Variants in PLCH1 observed in about 807,000 individuals in gnomAD.
The protein encoded by PLCH1 is phospholipase C eta 1.
Under a neutral mutation model 126.7 loss-of-function variants are expected in PLCH1, and 60 were observed. The observed-to-expected ratio is 0.47, with a 90% CI of 0.38 to 0.59. PLCH1 has a LOEUF of 0.59. Ranked by LOEUF, PLCH1 falls within the 20% of genes least tolerant of loss-of-function variation. The pLI is 0.00. For synonymous variants in PLCH1, 719 were observed against 734.9 expected, an observed-to-expected ratio of 0.98 and a Z score of 0.35; for missense variants, 1,723 against 2,040.0, an observed-to-expected ratio of 0.84 and a Z score of 2.99.
chr3:155,587,560 T>C (rs1731547493), intron 4 of PLCH1, among the ~76,000 whole-genome samples: 1 of 152,234 alleles, frequency 6.6e-6, no homozygotes, highest in South Asian at 2.1e-4. Flanking sequence ...TCTCACTTAA[T>C]TGGCCCAAAT....
chr3:155,481,067 G>A lies in PLCH1; in HGVS notation c.4959C>T (p.His1653=). Residue 1653 remains histidine (H), a synonymous_variant, in exon 23 of 23, where the codon CAC becomes CAT. Coordinates refer to ENST00000460012, the MANE Select transcript of PLCH1 (RefSeq NM_014996.4). The surrounding 1 kb of genome is among the most constrained non-coding windows in gnomAD (Gnocchi z 4.2). The part of the protein sequence containing the change: ...GIPEGACTAL[H]YGHVDQFCSD... ...AACAAAACTGGTCAACGTGGCCATA[G>A]TGAAGAGCCGTGCATGCCCCCTCTG... The A allele has an allele frequency of 6.2e-7, 1 of 1,614,116 alleles. No individual in the cohort carries two copies. Among genetic ancestry groups the A allele is most frequent in the Non-Finnish European group, 8.5e-7 (1 of 1,179,912 alleles).
At chr3:155,599,923 A>C (rs1396569387) in intron 2 of PLCH1, among the ~76,000 whole-genome samples, 1 of 152,202 alleles carries the variant, frequency 6.6e-6, no homozygotes, top group Non-Finnish European at 1.5e-5. Context: ...ATATCTGCAC[A>C]TTGTTTTAGC....
chr3:155,478,302 A>T (rs1274306702), downstream of PLCH1, among the ~76,000 whole-genome samples: 1 of 152,196 alleles, frequency 6.6e-6, no homozygotes, highest in Non-Finnish European at 1.5e-5. Flanking sequence ...TACAAAAAAA[A>T]TAGAAAGAAT....
intron 21 of PLCH1, among the ~76,000 whole-genome samples, chr3:155,466,803 T>C (rs1323887255): frequency 6.6e-6 from 1 of 152,192 alleles, no homozygotes; most frequent in South Asian, 2.1e-4. Flanking sequence ...ATTGAAATAA[T>C]TTAGAAAAAT....
At chr3:155,610,366 A>G (rs1047229658) in intron 2 of PLCH1, among the ~76,000 whole-genome samples, 2 of 132,752 alleles carry the variant, frequency 1.5e-5, no homozygotes, top group Admixed American at 1.5e-4. Flanking sequence ...CGTCTGGAGA[A>G]AAAAAAAAAA....
At chr3:155,692,472 A>G (rs1300720200) in intron 2 of PLCH1, among the ~76,000 whole-genome samples, 3 of 152,122 alleles carry the variant, frequency 2.0e-5, no homozygotes, top group African/African-American at 7.2e-5. Flanking sequence ...GGATGGATGG[A>G]TGGATGGATG....
intron 1 of PLCH1, among the ~76,000 whole-genome samples, chr3:155,707,049 T>C (rs896692249): frequency 1.3e-5 from 2 of 152,250 alleles, no homozygotes; most frequent in African/African-American, 2.4e-5. Context: ...AGGTCCCTTA[T>C]AGAAGAGACC....
chr3:155,712,330 T>A (rs1222861003), intron 1 of PLCH1, among the ~76,000 whole-genome samples: 1 of 152,172 alleles, frequency 6.6e-6, no homozygotes, highest in Non-Finnish European at 1.5e-5. Flanking sequence ...TGAAAAGGAT[T>A]CCCCCAGACT....
At position 155,488,684 on chromosome 3, in the gene PLCH1, C is replaced by T. The variant is rs1233561530; in HGVS notation, c.2515G>A (p.Val839Met). Residue 839 changes from valine (V) to methionine (M), a missense_variant, in exon 20 of 23, where the codon GTG becomes ATG. By Grantham distance (21) the Val-to-Met change is conservative. Around this residue, in one of 2 missense-constraint regions of PLCH1, gnomAD observed 776 missense variants for 1,062.9 expected, o/e 0.73. Coordinates refer to ENST00000460012, the MANE Select transcript of PLCH1 (RefSeq NM_014996.4). ...CCAGGCACTAAGCTGCTGAAGGTCA[C>T]AGTTCTTTGTCCAACAAAGTCTCGT... Reference protein sequence around the residue: ...IGRDFVGQRTVTFSSLVPGYR... With the variant: ...IGRDFVGQRTMTFSSLVPGYR... 6.2e-7 allele frequency: 1 copy of T among 1,613,504 alleles called. No individual in the cohort carries two copies. Among genetic ancestry groups the T allele is most frequent in the East Asian group, 2.2e-5 (1 of 44,874 alleles).
chr3:155,539,432 G>C (rs1371690132), intron 10 of PLCH1, among the ~76,000 whole-genome samples: 1 of 152,026 alleles, frequency 6.6e-6, no homozygotes, highest in Non-Finnish European at 1.5e-5. Flanking sequence ...AAGAAATAAA[G>C]GGCTTCCAAA....
intron 2 of PLCH1, among the ~76,000 whole-genome samples, chr3:155,618,270 A>G (rs565171476): frequency 1.3e-5 from 2 of 152,212 alleles, no homozygotes; most frequent in South Asian, 4.2e-4. Context: ...TGAATCTTAA[A>G]TCTTTTCTGG....
chr3:155,481,767 T>C lies in PLCH1; in HGVS notation c.4259A>G (p.Lys1420Arg). 1.2e-6 allele frequency: 2 copies of C among 1,614,170 alleles called. No individual in the cohort carries two copies. Among genetic ancestry groups the C allele is most frequent in the South Asian group, 1.1e-5 (1 of 91,088 alleles). The change falls in exon 23 of 23, where the codon AAA becomes AGA. Residue 1420 changes from lysine to arginine, a missense_variant. Lys to Arg is a conservative substitution (Grantham distance 26). Coordinates refer to ENST00000460012, the MANE Select transcript of PLCH1 (RefSeq NM_014996.4). The surrounding 1 kb of genome is among the most constrained non-coding windows in gnomAD (Gnocchi z 4.2). ...GGCTAGATAAGAAATACTTTGAGTT[T>C]TGACATCTTGAATATTGTTGAATAT... ...PEIFNNIQDV[K>R]TQSISYLAYQ...
In PLCH1 at chr3:155,482,864, C is replaced by G. The variant is rs1265489491; in HGVS notation, c.3162G>C (p.Arg1054Ser). The stretch of plus-strand genomic sequence containing the variant: ...TGGCATTTGATGTGGTTCTCCCACC[C>G]CTAGGACTTGACATGCCCAGCTGTT... ...TGEQLGMSSP[R>S]GGRTTSNATS... Residue 1054 changes from arginine to serine, a missense_variant, in exon 23 of 23, where the codon AGG becomes AGC. By Grantham distance (110) the Arg-to-Ser change is moderately radical. Around this residue, in one of 2 missense-constraint regions of PLCH1, gnomAD observed 947 missense variants for 977.1 expected, o/e 0.97. Coordinates refer to ENST00000460012, the MANE Select transcript of PLCH1 (RefSeq NM_014996.4). 3.7e-6 allele frequency: 6 copies of G among 1,614,066 alleles called. No homozygotes were observed. Among genetic ancestry groups the G allele is most frequent in the Non-Finnish European group, 4.2e-6 (5 of 1,180,008 alleles).
At chr3:155,527,681 C>G (rs966204978) in intron 10 of PLCH1, among the ~76,000 whole-genome samples, 6 of 151,692 alleles carry the variant, frequency 4.0e-5, no homozygotes, top group Admixed American at 3.9e-4. Context: ...TTTGGGAGGC[C>G]GAGGGAGATT....
At chr3:155,524,209 A>G (rs763273808) in intron 10 of PLCH1, among the ~76,000 whole-genome samples, 3 of 152,262 alleles carry the variant, frequency 2.0e-5, no homozygotes, top group Non-Finnish European at 2.9e-5. Context: ...GCTGATTGAA[A>G]TAAGCTAGAC....
intron 1 of PLCH1, among the ~76,000 whole-genome samples, chr3:155,715,882 G>T (rs1218125255): frequency 1.3e-5 from 2 of 152,158 alleles, no homozygotes; most frequent in East Asian, 3.9e-4. Flanking sequence ...AGGATTATAG[G>T]CCTGAGCCAC....
At chr3:155,562,472 GA>G (rs1727762971) in intron 8 of PLCH1, among the ~76,000 whole-genome samples, 1 of 152,112 alleles carries the variant, frequency 6.6e-6, no homozygotes, top group Non-Finnish European at 1.5e-5. Flanking sequence ...ATACCTTGAA[GA>G]TATTTAATAT....
chr3:155,591,106 T>C (rs1306640729), intron 4 of PLCH1, among the ~76,000 whole-genome samples: 1 of 152,218 alleles, frequency 6.6e-6, no homozygotes, highest in African/African-American at 2.4e-5. Context: ...TATGCCCATC[T>C]CTAACTCATC....
At chr3:155,740,550 A>C (rs1330899281) in intron 1 of PLCH1, among the ~76,000 whole-genome samples, 5 of 152,118 alleles carry the variant, frequency 3.3e-5, no homozygotes, top group African/African-American at 1.2e-4. Context: ...GAAATAGCAA[A>C]TCTAGGGCAA....
Sources: gnomAD v4.1 joint callset for allele counts (sites outside exome capture counted in the v4.1 genomes callset) on GRCh38, gnomAD v4.1.1 for gene constraint, gnomAD v4.1.1 regional missense constraint, Gnocchi (gnomAD v3.1) non-coding constraint, MANE v1.5 for transcripts, NCBI Gene and HGNC (gene_info 2026-07-23, HGNC 2026-07-21) for gene names.